The following EYS variants were observed in gnomAD, a reference collection of about 807,000 sequenced individuals.
The protein encoded by EYS is EGF-like photoreceptor maintenance factor.
A neutral mutation model predicts 282.1 loss-of-function variants in EYS; 250 were observed. The ratio of observed to expected loss-of-function variants is 0.89; its 90% CI spans 0.80 to 0.98. The LOEUF is 0.98. EYS is among the 50% of genes least tolerant of loss of function. The pLI, the probability that EYS is intolerant of heterozygous loss-of-function variation, is 0.00. For synonymous variants in EYS, 1,355 were observed against 1,282.9 expected (o/e 1.06, Z -1.20); for missense variants, 4,016 against 3,709.0 (o/e 1.08, Z -2.15).
At chr6:64,617,396 C>G (rs1469258281) in intron 24 of EYS, 22 bp downstream of exon 24, 1 of 1,427,444 alleles carries the variant, frequency 7.0e-7, no homozygotes, top group Admixed American at 2.0e-5. Flanking sequence ...TTATTACAAC[C>G]ACAACCACCA....
chr6:64,566,385 A>G (rs549231457), intron 26 of EYS, among the ~76,000 whole-genome samples: 1 of 152,306 alleles, frequency 6.6e-6, no homozygotes, highest in Non-Finnish European at 1.5e-5. Context: ...GCTGGTAAAA[A>G]TTGCAAAATA....
At chr6:64,091,129 A>G (rs1255359055) in intron 31 of EYS, among the ~76,000 whole-genome samples, 2 of 152,182 alleles carry the variant, frequency 1.3e-5, no homozygotes, top group African/African-American at 4.8e-5. Flanking sequence ...TGAAATTAAT[A>G]AATTTGTAAT....
At chr6:64,075,687 G>A (rs1330719283) in intron 32 of EYS, among the ~76,000 whole-genome samples, 1 of 151,872 alleles carries the variant, frequency 6.6e-6, no homozygotes, top group Non-Finnish European at 1.5e-5. Context: ...TGCATCTTAA[G>A]ACCTTAATTC....
At position 64,902,391 on chromosome 6, in the gene EYS, A is replaced by G. The variant is rs886061682; in HGVS notation, c.2738+13T>C. 7.9e-5 allele frequency: 120 copies of G among 1,514,544 alleles called. No individual in the cohort carries two copies. The highest frequency in any genetic ancestry group is 9.9e-5 in the Non-Finnish European group (111 of 1,122,732). 93.8% of individuals were successfully genotyped at this position (1,514,544 alleles called of 1,614,324 possible). ...ATAAACATGTATCTAGATACTTTTT[A>G]AGTTTTCTGTACCTGAAATTGTTGA... On this transcript the variant is annotated intron_variant, in intron 17 of 42. Coordinates refer to ENST00000503581, the MANE Select transcript of EYS (RefSeq NM_001142800.2).
chr6:64,507,330 T>C (rs1325941229), intron 26 of EYS, among the ~76,000 whole-genome samples: 1 of 152,162 alleles, frequency 6.6e-6, no homozygotes, highest in African/African-American at 2.4e-5. Context: ...AGACTACCTG[T>C]TTAAAAGAGG....
chr6:64,661,209 G>A (rs1055791582), intron 22 of EYS, among the ~76,000 whole-genome samples: 4 of 151,994 alleles, frequency 2.6e-5, no homozygotes, highest in African/African-American at 7.2e-5. Flanking sequence ...ACTGGATCCT[G>A]TCCTTACACC....
intron 31 of EYS, among the ~76,000 whole-genome samples, chr6:64,172,354 T>G (rs918262415): frequency 2.0e-5 from 3 of 152,128 alleles, no homozygotes; most frequent in Admixed American, 1.3e-4. Flanking sequence ...AACTGAAACT[T>G]TATACACATT....
intron 15 of EYS, among the ~76,000 whole-genome samples, chr6:64,934,298 G>A (rs1768829442): frequency 6.6e-6 from 1 of 151,734 alleles, no homozygotes; most frequent in Non-Finnish European, 1.5e-5. Context: ...TAGATCCTCA[G>A]AGATCTACTC....
intron 22 of EYS, among the ~76,000 whole-genome samples, chr6:64,785,237 G>T (rs987267808): frequency 1.3e-5 from 2 of 152,194 alleles, no homozygotes; most frequent in Admixed American, 1.3e-4. Context: ...TCTAGCCCTA[G>T]GGATTTCTTT....
chr6:64,756,109 T>C (rs1772928601), intron 22 of EYS, among the ~76,000 whole-genome samples: 1 of 152,180 alleles, frequency 6.6e-6, no homozygotes. Context: ...TCATAATCCA[T>C]GCATACACTG....
chr6:64,030,262 G>T (rs1582165711), intron 33 of EYS, among the ~76,000 whole-genome samples: 1 of 152,100 alleles, frequency 6.6e-6, no homozygotes, highest in South Asian at 2.1e-4. Flanking sequence ...GAAGGGAGAA[G>T]GAGAGAGATG....
intron 33 of EYS, among the ~76,000 whole-genome samples, chr6:64,000,095 C>T (rs1377408487): frequency 1.5e-5 from 2 of 134,652 alleles, no homozygotes; most frequent in Non-Finnish European, 3.2e-5. Flanking sequence ...AACGATCAGA[C>T]TTATTTTTTA....
intron 22 of EYS, among the ~76,000 whole-genome samples, chr6:64,646,790 G>A (rs1367826155): frequency 6.6e-6 from 1 of 150,910 alleles, no homozygotes; most frequent in Non-Finnish European, 1.5e-5. Context: ...TGGCGACAGA[G>A]CGAGACTCCA....
At chr6:64,751,565 G>A (rs1218199765) in intron 22 of EYS, among the ~76,000 whole-genome samples, 1 of 152,202 alleles carries the variant, frequency 6.6e-6, no homozygotes, top group Non-Finnish European at 1.5e-5. Context: ...ACAGAGACAA[G>A]GCCACAGGGC....
intron 34 of EYS, among the ~76,000 whole-genome samples, chr6:63,997,387 A>G (rs1331476994): frequency 6.6e-6 from 1 of 152,186 alleles, no homozygotes; most frequent in African/African-American, 2.4e-5. Flanking sequence ...TAGCCTCCAC[A>G]AGCGTGACCA....
At chr6:64,712,814 A>G (rs1011589468) in intron 22 of EYS, among the ~76,000 whole-genome samples, 2 of 152,218 alleles carry the variant, frequency 1.3e-5, no homozygotes, top group East Asian at 1.9e-4. Flanking sequence ...CACGCCCTGC[A>G]AAAGAAACTG....
chr6:65,138,166 T>C (rs547755726), intron 12 of EYS, among the ~76,000 whole-genome samples: 1 of 152,216 alleles, frequency 6.6e-6, no homozygotes, highest in Non-Finnish European at 1.5e-5. Context: ...ATTTGAGTCC[T>C]ATTGAGGAAA....
At chr6:64,243,447 T>C (rs1766902756) in intron 30 of EYS, among the ~76,000 whole-genome samples, 1 of 152,190 alleles carries the variant, frequency 6.6e-6, no homozygotes, top group African/African-American at 2.4e-5. Context: ...TCAGGTGACA[T>C]AGAATATATC....
At chr6:64,741,945 G>GTT (rs1562165907) in intron 22 of EYS, among the ~76,000 whole-genome samples, 17 of 152,176 alleles carry the variant, frequency 1.1e-4, no homozygotes, top group Middle Eastern at 3.4e-3. Context: ...CTATTTACAC[G>GTT]TTCACTGGAG....
Sources: allele counts gnomAD v4.1 joint callset (sites outside exome capture counted in the v4.1 genomes callset), GRCh38; gene constraint gnomAD v4.1.1; transcripts MANE v1.5; gene names NCBI Gene and HGNC (gene_info 2026-07-23, HGNC 2026-07-21).